PCDHGA1: variants seen among roughly 807,000 people sequenced by gnomAD.
PCDHGA1 encodes the protein protocadherin gamma subfamily A, 1, also known as protocadherin gamma-A1.
Under a neutral mutation model 58.0 loss-of-function variants are expected in PCDHGA1, and 32 were observed. The observed-to-expected ratio is 0.55, with a 90% CI of 0.42 to 0.74. PCDHGA1 has a LOEUF of 0.74. PCDHGA1 is among the 30% of genes least tolerant of loss of function. The pLI, the probability that PCDHGA1 is intolerant of heterozygous loss-of-function variation, is 0.00. For missense variants in PCDHGA1, 1,205 were observed against 1,182.3 expected, an observed-to-expected ratio of 1.02 and a Z score of -0.28; for synonymous variants, 498 against 501.1, an observed-to-expected ratio of 0.99 and a Z score of 0.08.
intron 1 of PCDHGA1, among the ~76,000 whole-genome samples, chr5:141,438,211 A>G (rs767576436): frequency 7.8e-4 from 119 of 152,308 alleles, no homozygotes; most frequent in Admixed American, 2.3e-3. Context: ...CCATATGGGA[A>G]GGGCTCTGGT....
At chr5:141,427,280 A>G (rs1351534612) in intron 1 of PCDHGA1, 3 of 456,834 alleles carry the variant, frequency 6.6e-6, no homozygotes, top group Non-Finnish European at 8.8e-6. Context: ...GTAAAATTAT[A>G]CTAGAAATCC....
intron 1 of PCDHGA1, chr5:141,400,421 G>A (rs1158396440): frequency 1.2e-6 from 2 of 1,613,948 alleles, no homozygotes. Flanking sequence ...TTCCTAAAAT[G>A]TAGTGAGCAA....
At chr5:141,481,592 C>T (rs765060653) in intron 1 of PCDHGA1, among the ~76,000 whole-genome samples, 2 of 152,112 alleles carry the variant, frequency 1.3e-5, no homozygotes, top group East Asian at 1.9e-4. Context: ...CTGAGGCCAG[C>T]GGATCACCTG....
chr5:141,488,564 G>A (rs1047904416), intron 1 of PCDHGA1, among the ~76,000 whole-genome samples: 4 of 152,154 alleles, frequency 2.6e-5, no homozygotes, highest in Non-Finnish European at 5.9e-5. Context: ...TGAGATTTCC[G>A]CAAAGCATTG....
intron 1 of PCDHGA1, chr5:141,422,893 C>A (rs1405800318): frequency 4.3e-6 from 7 of 1,614,246 alleles, no homozygotes; most frequent in Non-Finnish European, 5.9e-6. Context: ...CGTGCTGGAC[C>A]AGAACGACAA....
In PCDHGA1 at chr5:141,486,092, C is replaced by A; in HGVS notation, c.2422-8715C>A. Reference sequence around the variant, plus strand: ...TACTGGAAAGCTTACTCTTTTGGGGCCCCTAGACTTTGAGAGTGAGAATTA... The same window carrying A: ...TACTGGAAAGCTTACTCTTTTGGGGACCCTAGACTTTGAGAGTGAGAATTA... On this transcript the variant is annotated intron_variant, in intron 1 of 3. Coordinates refer to ENST00000517417, the MANE Select transcript of PCDHGA1 (RefSeq NM_018912.3). The surrounding 1 kb of genome is among the most constrained non-coding windows in gnomAD (Gnocchi z 5.0). 1.9e-6 allele frequency: 3 copies of A among 1,614,148 alleles called. No individual in the cohort carries two copies. Among genetic ancestry groups the A allele is most frequent in the Non-Finnish European group, 2.5e-6 (3 of 1,180,008 alleles).
intron 1 of PCDHGA1, chr5:141,356,901 C>T (rs757701298): frequency 1.2e-6 from 2 of 1,614,208 alleles, no homozygotes; most frequent in Non-Finnish European, 1.7e-6. Flanking sequence ...ACCCCACCTT[C>T]CCTACTGATG....
chr5:141,382,263 T>C (rs1447947679), intron 1 of PCDHGA1, among the ~76,000 whole-genome samples: 1 of 152,242 alleles, frequency 6.6e-6, no homozygotes, highest in Non-Finnish European at 1.5e-5. Flanking sequence ...TCATGGTGTC[T>C]AGAACATATG....
chr5:141,478,499 G>A (rs77463374), intron 1 of PCDHGA1: 18 of 1,612,728 alleles, frequency 1.1e-5, no homozygotes, highest in African/African-American at 2.7e-5. Context: ...CTGTGATCCG[G>A]TGTTCTATAG....
chr5:141,410,158 G>A (rs755466762), intron 1 of PCDHGA1: 1 of 1,613,398 alleles, frequency 6.2e-7, no homozygotes, highest in Admixed American at 1.7e-5. Flanking sequence ...GTGGACAGCC[G>A]CCACTCTCTG....
rs760333566 is a variant in PCDHGA1, at chr5:141,345,786, G to A, written c.2421+12681G>A. Reference sequence around the variant, plus strand: ...GCTGGCGCCTCGCTCCGCAGAGCCCGGCTACCTGGTGACCAAGGTGGTGGC... The same window carrying A: ...GCTGGCGCCTCGCTCCGCAGAGCCCAGCTACCTGGTGACCAAGGTGGTGGC... On this transcript the variant is annotated intron_variant, in intron 1 of 3. Coordinates refer to ENST00000517417, the MANE Select transcript of PCDHGA1 (RefSeq NM_018912.3). 5.0e-6 allele frequency: 8 copies of A among 1,613,976 alleles called. No individual in the cohort carries two copies. The highest frequency in any genetic ancestry group is 2.7e-5 in the African/African-American group (2 of 74,928).
At chr5:141,436,239 G>T (rs1426798903) in intron 1 of PCDHGA1, among the ~76,000 whole-genome samples, 2 of 152,012 alleles carry the variant, frequency 1.3e-5, no homozygotes, top group South Asian at 2.1e-4. Flanking sequence ...AAGCTAACAT[G>T]GTCTAATTAT....
intron 1 of PCDHGA1, chr5:141,351,766 C>G: frequency 6.2e-7 from 1 of 1,613,526 alleles, no homozygotes. Flanking sequence ...CCTACGTGTC[C>G]GTGAGCCCGC....
chr5:141,419,884 C>A lies in PCDHGA1; in HGVS notation c.2422-74923C>A. 1 of 1,614,088 alleles carries A rather than the reference C, an allele frequency of 6.2e-7. No individual in the cohort carries two copies. The highest frequency in any genetic ancestry group is 8.5e-7 in the Non-Finnish European group (1 of 1,179,896). On this transcript the variant is annotated intron_variant, in intron 1 of 3. Transcript: ENST00000517417. ...GCTTGCAAGAGGTACTGCCGGATTT[C>A]AGCGACCATCCCACACCCTCTGACT... is the stretch of plus-strand genomic sequence containing the variant.
At chr5:141,426,986 C>A (rs764345099) in intron 1 of PCDHGA1, 6 of 456,618 alleles carry the variant, frequency 1.3e-5, no homozygotes, top group Non-Finnish European at 2.2e-5. Flanking sequence ...CTGATGCCAA[C>A]GATAATGCCC....
intron 1 of PCDHGA1, chr5:141,366,971 C>T (rs1764884067): frequency 3.5e-6 from 2 of 572,978 alleles, no homozygotes; most frequent in Admixed American, 7.6e-5. Flanking sequence ...GAAACAAATA[C>T]CTTAAAGGAA....
chr5:141,346,289 C>T (rs756079907), intron 1 of PCDHGA1: 1 of 1,614,104 alleles, frequency 6.2e-7, no homozygotes, highest in African/African-American at 1.3e-5. Context: ...TCCTGCAGAC[C>T]TATTCCCACG....
At chr5:141,376,180 G>A (rs113596971) in intron 1 of PCDHGA1, 2 of 1,614,100 alleles carry the variant, frequency 1.2e-6, no homozygotes, top group Non-Finnish European at 8.5e-7. Context: ...CGGTGGCCGC[G>A]GTCTCCTGCG....
chr5:141,381,122 C>G (rs1328848955), intron 1 of PCDHGA1, among the ~76,000 whole-genome samples: 2 of 152,200 alleles, frequency 1.3e-5, no homozygotes, highest in Admixed American at 1.3e-4. Context: ...TCCCTGTATT[C>G]TGGAGCAATG....
Sources: allele counts gnomAD v4.1 joint callset (sites outside exome capture counted in the v4.1 genomes callset), GRCh38; gene constraint gnomAD v4.1.1; non-coding constraint Gnocchi (gnomAD v3.1); transcripts MANE v1.5; gene names NCBI Gene and HGNC (gene_info 2026-07-23, HGNC 2026-07-21).